The following ABCA4 variants were observed in gnomAD, a reference collection of about 807,000 sequenced individuals.
The protein encoded by ABCA4 is ATP binding cassette subfamily A member 4.
A neutral mutation model predicts 263.7 loss-of-function variants in ABCA4; 196 were observed. That is an observed-to-expected ratio of 0.74 (90% confidence interval 0.66 to 0.84). ABCA4 has a LOEUF of 0.84. Ranked by LOEUF, ABCA4 falls within the 40% of genes least tolerant of loss-of-function variation. The probability of loss-of-function intolerance (pLI) is 0.00; values close to 1 mark genes in which losing one functional copy is unlikely to be tolerated. For missense variants in ABCA4, 2,792 were observed against 2,855.1 expected (o/e 0.98, Z 0.50); for synonymous variants, 1,133 against 1,094.2 (o/e 1.04, Z -0.70).
chr1:94,042,724 G>C (rs1660525822), intron 22 of ABCA4, 37 bp downstream of exon 22: 1 of 1,613,820 alleles, frequency 6.2e-7, no homozygotes, highest in African/African-American at 1.3e-5. Flanking sequence ...GGGCTGCAGT[G>C]AGAGCCCAGC....
intron 4 of ABCA4, among the ~76,000 whole-genome samples, chr1:94,107,049 G>A (rs1302198635): frequency 2.0e-5 from 3 of 152,166 alleles, no homozygotes; most frequent in Admixed American, 2.0e-4. Context: ...GCATGCACGG[G>A]AAGGTGCCCC....
intron 3 of ABCA4, among the ~76,000 whole-genome samples, chr1:94,111,176 T>C (rs1297964827): frequency 6.6e-6 from 1 of 152,238 alleles, no homozygotes; most frequent in Non-Finnish European, 1.5e-5. Context: ...CGGGCTGCCA[T>C]CAGACTCCAG....
chr1:94,118,499 G>A (rs1042632827), intron 1 of ABCA4, among the ~76,000 whole-genome samples: 3 of 152,168 alleles, frequency 2.0e-5, no homozygotes, highest in Admixed American at 1.3e-4. Flanking sequence ...CAGAAGAACC[G>A]CAAGCTTAGG....
At chr1:94,028,843 G>A (rs567446564) in intron 30 of ABCA4, among the ~76,000 whole-genome samples, 8 of 139,986 alleles carry the variant, frequency 5.7e-5, no homozygotes, top group Non-Finnish European at 1.2e-4. Flanking sequence ...GGAGGCAGAG[G>A]TTGCAGTGAG....
At chr1:94,109,150 G>A (rs767921655) in intron 3 of ABCA4, among the ~76,000 whole-genome samples, 3 of 140,012 alleles carry the variant, frequency 2.1e-5, no homozygotes, top group Non-Finnish European at 4.6e-5. Context: ...GCCAAGGCAG[G>A]AGAAAGAGAT....
Position 94,040,032 on chromosome 1 carries a change from C to T in ABCA4, c.3607+11G>A. 1 of 1,592,474 alleles carries T rather than the reference C, an allele frequency of 6.3e-7. No homozygotes were observed. Among genetic ancestry groups the T allele is most frequent in the Middle Eastern group, 1.7e-4 (1 of 6,032 alleles). On this transcript the variant is annotated intron_variant, in intron 24 of 49. Coordinates refer to ENST00000370225, the MANE Select transcript of ABCA4 (RefSeq NM_000350.3). ...CAGACGGAACCCAAGTATGGCCCGT[C>T]CAGTCCTTACCATCCAGGACTTGTT... is the stretch of plus-strand genomic sequence containing the variant.
In ABCA4 at chr1:94,019,672, G is replaced by A. The variant is rs1240060990; in HGVS notation, c.5106C>T (p.Ile1702=). Residue 1702 remains isoleucine, a synonymous_variant, in exon 36 of 50, where the codon ATC becomes ATT. Transcript: ENST00000370225. The part of the protein sequence containing the change: ...FVPASFVLYL[I]QERVNKSKHL... ...GCTTGGATTTGTTCACCCGCTCCTGGATCAAATAAAGGACAAAGCTGGCTG... is the reference window on the plus strand; with the variant it reads ...GCTTGGATTTGTTCACCCGCTCCTGAATCAAATAAAGGACAAAGCTGGCTG... 1 of 1,613,642 alleles carries A rather than the reference G, an allele frequency of 6.2e-7. No individual in the cohort carries two copies. Among genetic ancestry groups the A allele is most frequent in the South Asian group, 1.1e-5 (1 of 90,906 alleles).
chr1:94,112,273 C>T (rs571725619), intron 2 of ABCA4, among the ~76,000 whole-genome samples: 2 of 152,120 alleles, frequency 1.3e-5, no homozygotes, highest in African/African-American at 2.4e-5. Context: ...TTCTTCAGTA[C>T]GATTGTATAG....
Position 93,998,133 on chromosome 1 carries a change from G to C in ABCA4, c.6480-23C>G, listed in dbSNP as rs370634765. The C allele has an allele frequency of 8.8e-5, 142 of 1,613,892 alleles. 3 individuals are homozygous for C. The Admixed American group carries it at 1.5e-3, about 17-fold the overall frequency. On this transcript the variant is annotated intron_variant, in intron 47 of 49. Transcript: ENST00000370225. ...AATCTAGGGGATGCACACAGTGCAGGACAGGCCTCTGTTAGTGGTTGGGCC... is the reference window on the plus strand; with the variant it reads ...AATCTAGGGGATGCACACAGTGCAGCACAGGCCTCTGTTAGTGGTTGGGCC...
At chr1:94,069,762 C>G (rs536152363) in intron 11 of ABCA4, among the ~76,000 whole-genome samples, 109 of 152,172 alleles carry the variant, frequency 7.2e-4, no homozygotes, top group African/African-American at 2.6e-3. Flanking sequence ...AGTTAGAGGC[C>G]GAAGGCACTG....
chr1:94,034,309 T>TCATCTTCTCTGTTCTTCTTCC (rs1660283298), intron 26 of ABCA4, among the ~76,000 whole-genome samples: 1 of 152,160 alleles, frequency 6.6e-6, no homozygotes, highest in Non-Finnish European at 1.5e-5. Context: ...TTTCTTCTTC[T>TCATCTTCTCTGTTCTTCTTCC]CTTCTTCTCT....
rs565921921 is a variant in ABCA4 at position 94,103,179 on chromosome 1, G to T, written c.443-37C>A. The stretch of plus-strand genomic sequence containing the variant: ...TAAGAGAAAGAACAGGGTGTTGAAG[G>T]GGAAATGGGTCAAAAAAAGGAAAAC... On this transcript the variant is annotated intron_variant, in intron 4 of 49. Transcript: ENST00000370225. 97 of 1,611,772 alleles carry T rather than the reference G, an allele frequency of 6.0e-5. 1 individual carries two copies. The Admixed American group carries it at 1.6e-3, about 27-fold the overall frequency.
intron 7 of ABCA4, among the ~76,000 whole-genome samples, chr1:94,080,957 G>T (rs1018134673): frequency 6.6e-6 from 1 of 152,192 alleles, no homozygotes; most frequent in Admixed American, 6.5e-5. Flanking sequence ...GGGCGCAGTG[G>T]CTCATGCCTG....
At chr1:94,104,022 C>A (rs895816952) in intron 4 of ABCA4, among the ~76,000 whole-genome samples, 1 of 152,136 alleles carries the variant, frequency 6.6e-6, no homozygotes, top group African/African-American at 2.4e-5. Context: ...ATTGTTGATG[C>A]GGGGTAAGGA....
At chr1:94,014,144 A>G (rs1022570174) in intron 38 of ABCA4, among the ~76,000 whole-genome samples, 1 of 152,134 alleles carries the variant, frequency 6.6e-6, no homozygotes, top group Non-Finnish European at 1.5e-5. Context: ...AAACCATTTC[A>G]TTCAGAGCAC....
rs1450421721 is a variant in ABCA4, at chr1:94,056,778, C to A, written c.2205G>T (p.Leu735=). 5.0e-6 allele frequency: 8 copies of A among 1,612,650 alleles called. No individual in the cohort carries two copies. The highest frequency in any genetic ancestry group is 6.8e-6 in the Non-Finnish European group (8 of 1,179,328). The change falls in exon 15 of 50, where the codon CTG becomes CTT. Residue 735 remains leucine, a synonymous_variant. Coordinates refer to ENST00000370225, the MANE Select transcript of ABCA4 (RefSeq NM_000350.3). ...TGGCAGTGGAGAAAGCCAACAAGAACAGGAAGAGGATGAATGGGTCGCTGT... is the reference window on the plus strand; with the variant it reads ...TGGCAGTGGAGAAAGCCAACAAGAAAAGGAAGAGGATGAATGGGTCGCTGT... ...LHYSDPFILF[L]FLLAFSTATI...
chr1:94,087,048 T>A (rs1017297645), intron 6 of ABCA4, among the ~76,000 whole-genome samples: 4 of 152,202 alleles, frequency 2.6e-5, no homozygotes, highest in Non-Finnish European at 5.9e-5. Context: ...TGTGTCTTCA[T>A]ATGGTGGAAG....
intron 11 of ABCA4, among the ~76,000 whole-genome samples, chr1:94,075,203 A>C (rs1661507918): frequency 6.6e-6 from 1 of 152,172 alleles, no homozygotes; most frequent in Non-Finnish European, 1.5e-5. Context: ...TAGGACAAAT[A>C]GCTAATGCAT....
Position 94,101,684 on chromosome 1 carries a change from G to A in ABCA4, c.570+1331C>T, listed in dbSNP as rs1662290536. 2.0e-5 allele frequency among the ~76,000 whole-genome samples: 3 copies of A among 152,214 alleles called. No homozygotes were observed. The South Asian group carries it at 6.2e-4, about 31-fold the overall frequency. On this transcript the variant is annotated intron_variant, in intron 5 of 49. Coordinates refer to ENST00000370225, the MANE Select transcript of ABCA4 (RefSeq NM_000350.3). ...TCGTTCTCTCCTGGAGTCTGGAGGAGGATCAGACCCAGCCAGGAGGGAGTC... is the reference window on the plus strand; with the variant it reads ...TCGTTCTCTCCTGGAGTCTGGAGGAAGATCAGACCCAGCCAGGAGGGAGTC...
Sources: allele counts gnomAD v4.1 joint callset (sites outside exome capture counted in the v4.1 genomes callset), GRCh38; gene constraint gnomAD v4.1.1; transcripts MANE v1.5; gene names NCBI Gene and HGNC (gene_info 2026-07-23, HGNC 2026-07-21).